DDX52: variants seen among roughly 807,000 people sequenced by gnomAD.
DDX52 encodes the protein DExD-box helicase 52, also known as probable ATP-dependent RNA helicase DDX52.
In DDX52, 59 loss-of-function variants were observed where a neutral mutation model predicts 76.1. The observed-to-expected ratio is 0.78, with a 90% confidence interval of 0.63 to 0.96. The LOEUF is 0.96. Ranked by LOEUF, DDX52 falls within the 40% of genes least tolerant of loss-of-function variation. DDX52 has a pLI of 0.00. For synonymous variants in DDX52, 231 were observed against 244.1 expected, an observed-to-expected ratio of 0.95 and a Z score of 0.50; for missense variants, 707 against 703.9, an observed-to-expected ratio of 1.00 and a Z score of -0.05.
At chr17:37,619,615 G>A (rs2029971553) in intron 13 of DDX52, among the ~76,000 whole-genome samples, 153 bp downstream of exon 13, 1 of 151,942 alleles carries the variant, frequency 6.6e-6, no homozygotes, top group Admixed American at 6.6e-5. Context: ...AGGGGACTGA[G>A]GCAGGAGGAT....
At chr17:37,640,554 G>A (rs2031140698) in intron 2 of DDX52, among the ~76,000 whole-genome samples, 1 of 151,816 alleles carries the variant, frequency 6.6e-6, no homozygotes, top group Non-Finnish European at 1.5e-5. Context: ...ACAGGGGACT[G>A]GAGAGAAACA....
rs1365416570 is a variant in DDX52, at chr17:37,610,782, T to A, written c.*3514A>T. ...AATCCAGGCCAGTTTGACTCTAAAGTCCTTGCTCATTTCACCAGAGCCAGC... is the reference window on the plus strand; with the variant it reads ...AATCCAGGCCAGTTTGACTCTAAAGACCTTGCTCATTTCACCAGAGCCAGC... On this transcript the variant is annotated 3_prime_UTR_variant, in exon 15 of 15. Coordinates refer to ENST00000617633, the MANE Select transcript of DDX52 (RefSeq NM_007010.5). 2.0e-5 allele frequency: 3 copies of A among 152,230 alleles called. No individual in the cohort carries two copies. The highest frequency in any genetic ancestry group is 1.3e-4 in the Admixed American group (2 of 15,288). 9.4% of individuals were successfully genotyped at this position (152,230 alleles called of 1,614,324 possible). A position where few individuals can be genotyped will look rare whatever the true frequency, so the allele number is the denominator to read the frequency against.
chr17:37,626,684 G>A, intron 7 of DDX52, 104 bp downstream of exon 7: 1 of 1,110,128 alleles, frequency 9.0e-7, no homozygotes, highest in South Asian at 1.4e-5. Context: ...GACTGAAGGT[G>A]GCAAACAGCA....
chr17:37,643,386 G>C lies in DDX52; in HGVS notation c.35C>G (p.Ala12Gly). The C allele has an allele frequency of 1.2e-6, 2 of 1,613,962 alleles. No individual in the cohort carries two copies. The highest frequency in any genetic ancestry group is 2.2e-5 in the South Asian group (2 of 91,078). ...GCGTCTCGTGTCGAATTTGGCCCCC[G>C]CGCCGAGCCGGCGAAAGAGATCGTG... ...DVHDLFRRLG[A>G]GAKFDTRRFS... Residue 12 changes from alanine to glycine, a missense_variant, in exon 1 of 15, where the codon GCG becomes GGG. Physicochemically the swap from Ala to Gly is moderately conservative, Grantham distance 60 (BLOSUM62 0). Transcript: ENST00000617633.
At chr17:37,626,228 CAA>C (rs71135752) in intron 7 of DDX52, 130 bp from the exon 8 acceptor site, 13,254 of 676,172 alleles carry the variant, frequency 0.02, no homozygotes, top group Middle Eastern at 0.023. Context: ...TTTATCATAC[CAA>C]AAAAAAAAAA....
At chr17:37,632,500 T>A (rs2030731399) in intron 3 of DDX52, among the ~76,000 whole-genome samples, 1 of 152,226 alleles carries the variant, frequency 6.6e-6, no homozygotes, top group South Asian at 2.1e-4. Context: ...GTCTATGCTT[T>A]CTTCATATTA....
chr17:37,614,789 T>C (rs1052113319), intron 14 of DDX52: 1 of 156,496 alleles, frequency 6.4e-6, no homozygotes, highest in African/African-American at 2.4e-5. Flanking sequence ...TGGTAATCCA[T>C]GTTAGACACG....
In DDX52 at chr17:37,620,966, A is replaced by G; in HGVS notation, c.1502-18T>C. ...AGTTCGACCTAAGAAAAATTAGACC[A>G]TTAAAAAACACATTTTGGGGGGAAG... On this transcript the variant is annotated intron_variant, in intron 11 of 14. Coordinates refer to ENST00000617633, the MANE Select transcript of DDX52 (RefSeq NM_007010.5). 6.3e-7 allele frequency: 1 copy of G among 1,575,140 alleles called. No homozygotes were observed. The highest frequency in any genetic ancestry group is 8.6e-7 in the Non-Finnish European group (1 of 1,168,830).
intron 4 of DDX52, among the ~76,000 whole-genome samples, chr17:37,630,630 A>G (rs562326359): frequency 6.7e-6 from 1 of 150,332 alleles, no homozygotes; most frequent in East Asian, 2.0e-4. Context: ...ATTTTCAAAA[A>G]CTCACTGTGT....
chr17:37,630,191 A>G lies in DDX52; in HGVS notation c.604-18T>C. ...TCCCGACCCTAAAAACATAGGGTAT[A>G]TTAAATACTACAAAGAAAGTACATA... On this transcript the variant is annotated intron_variant, in intron 4 of 14. Coordinates refer to ENST00000617633, the MANE Select transcript of DDX52 (RefSeq NM_007010.5). 1.9e-6 allele frequency: 3 copies of G among 1,577,448 alleles called. No individual in the cohort carries two copies. Among genetic ancestry groups the G allele is most frequent in the South Asian group, 2.4e-5 (2 of 84,910 alleles).
intron 2 of DDX52, among the ~76,000 whole-genome samples, chr17:37,638,846 T>G (rs76047503): frequency 6.7e-6 from 1 of 150,204 alleles, no homozygotes; most frequent in South Asian, 2.1e-4. Flanking sequence ...CTCAGCTCAC[T>G]GCAACCTCCA....
Position 37,621,418 on chromosome 17 carries a change from C to A in DDX52, c.1330G>T (p.Ala444Ser), listed in dbSNP as rs76301377. 1.2e-6 allele frequency: 2 copies of A among 1,613,294 alleles called. No homozygotes were observed. The highest frequency in any genetic ancestry group is 2.2e-5 in the East Asian group (1 of 44,826). The change falls in exon 10 of 15, where the codon GCA (alanine) becomes TCA (serine). Residue 444 changes from alanine (A) to serine (S), a missense_variant. By Grantham distance (99) the Ala-to-Ser change is moderately conservative. Transcript: ENST00000617633. ...TTTACCTGTTGTTGTGTTCTCTCTG[C>A]ATGAATAACATCCACATTAATACCT... ...YEGINVDVIH[A>S]ERTQQQRDNT... is the part of the protein sequence containing the mutation.
At chr17:37,633,480 T>C in intron 2 of DDX52, 62 bp from the exon 3 acceptor site, 1 of 1,305,114 alleles carries the variant, frequency 7.7e-7, no homozygotes, top group Non-Finnish European at 9.9e-7. Flanking sequence ...TGAGGACCCG[T>C]CTCTTCAAAA....
chr17:37,619,869 G>C lies in DDX52; in HGVS notation c.1578-30C>G, dbSNP rs376673509. On this transcript the variant is annotated intron_variant, in intron 12 of 14. Transcript: ENST00000617633. Reference sequence around the variant, plus strand: ...AAAAGAAACCCATAAACATAAACTTGTATCTTTGCTAAATTGATGTTTATG... The same window carrying C: ...AAAAGAAACCCATAAACATAAACTTCTATCTTTGCTAAATTGATGTTTATG... 16 of 1,603,974 alleles carry C rather than the reference G, an allele frequency of 1.0e-5. No individual in the cohort carries two copies. In the South Asian group the frequency reaches 1.7e-4, roughly 17 times the overall value.
At chr17:37,630,892 G>A (rs1437191252) in intron 4 of DDX52, 1 of 152,134 alleles carries the variant, frequency 6.6e-6, no homozygotes, top group Non-Finnish European at 1.5e-5. Context: ...TGCCCGCCTC[G>A]GTCTCCCAAA....
At chr17:37,636,864 C>A (rs754373890) in intron 2 of DDX52, among the ~76,000 whole-genome samples, 1 of 152,186 alleles carries the variant, frequency 6.6e-6, no homozygotes, top group Non-Finnish European at 1.5e-5. Flanking sequence ...TGTTGATTAA[C>A]AGCAGAAACA....
rs1002304785 is a variant in DDX52, at chr17:37,632,433, A to C, written c.418-135T>G. On this transcript the variant is annotated intron_variant, in intron 3 of 14. Coordinates refer to ENST00000617633, the MANE Select transcript of DDX52 (RefSeq NM_007010.5). ...ACTTTTTGGTTAAATCCAAGAATCA[A>C]AACATCACAGATATTAGGTACATTT... 3.4e-6 allele frequency: 3 copies of C among 870,878 alleles called. No individual in the cohort carries two copies. In the African/African-American group the frequency reaches 5.1e-5, roughly 15 times the overall value. The allele number at this position is 870,878 out of a possible 1,614,324, so 53.9% of individuals were successfully genotyped here.
intron 9 of DDX52, among the ~76,000 whole-genome samples, chr17:37,623,622 G>A (rs1293808367): frequency 6.6e-6 from 1 of 151,988 alleles, no homozygotes; most frequent in African/African-American, 2.4e-5. Flanking sequence ...AGCCGTCAAT[G>A]CTCTTCCCCT....
chr17:37,642,253 A>C lies in DDX52; in HGVS notation c.143T>G (p.Phe48Cys). The change falls in exon 2 of 15, where the codon TTT becomes TGT. Residue 48 changes from phenylalanine to cysteine, a missense_variant. By Grantham distance (205) the Phe-to-Cys change is radical (BLOSUM62 -2). Transcript: ENST00000617633. ...TGGGACAGACTTCTTGTTTCCAAAA[A>C]AGTCCAGTCCCTGAAGCACCTCCGA... ...DSSEVLQGLD[F>C]FGNKKSVPGV... 1.9e-6 allele frequency: 3 copies of C among 1,614,118 alleles called. No homozygotes were observed. Among genetic ancestry groups the C allele is most frequent in the African/African-American group, 2.7e-5 (2 of 75,022 alleles).
Sources: allele counts gnomAD v4.1 joint callset (sites outside exome capture counted in the v4.1 genomes callset), GRCh38; gene constraint gnomAD v4.1.1; transcripts MANE v1.5; gene names NCBI Gene and HGNC (gene_info 2026-07-23, HGNC 2026-07-21).